Variants in SNX5 observed in about 807,000 individuals in gnomAD.
SNX5 encodes the protein sorting nexin 5.
In SNX5, 31 loss-of-function variants were observed where a neutral mutation model predicts 53.9. The observed-to-expected ratio is 0.58, with a 90% CI of 0.43 to 0.78. SNX5 has a LOEUF of 0.78. Among genes scored for constraint, SNX5 ranks in the 30% least tolerant of loss-of-function variants. The pLI is 0.00. For synonymous variants in SNX5, 168 were observed against 171.1 expected, an observed-to-expected ratio of 0.98 and a Z score of 0.14; for missense variants, 471 against 478.8, an observed-to-expected ratio of 0.98 and a Z score of 0.15.
intron 1 of SNX5, among the ~76,000 whole-genome samples, chr20:17,964,380 ATGT>A (rs1250766674): frequency 6.6e-6 from 1 of 152,204 alleles, no homozygotes; most frequent in Non-Finnish European, 1.5e-5. Context: ...TTATGCCAAA[ATGT>A]AAAAAGAAGA....
At chr20:17,964,575 A>G (rs183038809) in intron 1 of SNX5, among the ~76,000 whole-genome samples, 6 of 152,190 alleles carry the variant, frequency 3.9e-5, no homozygotes, top group Non-Finnish European at 7.4e-5. Context: ...AGGGTGAAGA[A>G]GCCACTTTTT....
At chr20:17,965,859 T>C (rs2035528579) in intron 1 of SNX5, among the ~76,000 whole-genome samples, 1 of 152,124 alleles carries the variant, frequency 6.6e-6, no homozygotes, top group African/African-American at 2.4e-5. Flanking sequence ...GTTGCAAGGG[T>C]AGCATAAAGC....
At chr20:17,947,230 CACA>C (rs1400765630) in intron 11 of SNX5, 2 of 418,182 alleles carry the variant, frequency 4.8e-6, no homozygotes, top group Non-Finnish European at 8.6e-6. Flanking sequence ...GGAAATAAAC[CACA>C]ACGTTTTTAG....
chr20:17,965,932 C>CCTAT (rs1196911251), intron 1 of SNX5, among the ~76,000 whole-genome samples: 30 of 152,086 alleles, frequency 2.0e-4, no homozygotes, highest in African/African-American at 7.0e-4. Context: ...CAGGATTGTT[C>CCTAT]CTATACTAAC....
intron 2 of SNX5, 149 bp downstream of exon 2, chr20:17,956,784 A>ACTGTGAG: frequency 1.8e-6 from 1 of 557,144 alleles, no homozygotes; most frequent in Non-Finnish European, 3.3e-6. Context: ...CCTGATGCTT[A>ACTGTGAG]CTGTGAGATA....
chr20:17,959,849 A>G (rs1444675100), intron 1 of SNX5, among the ~76,000 whole-genome samples: 1 of 152,122 alleles, frequency 6.6e-6, no homozygotes, highest in Non-Finnish European at 1.5e-5. Flanking sequence ...CCACAGTGCT[A>G]CAGAACTTGC....
intron 1 of SNX5, among the ~76,000 whole-genome samples, chr20:17,958,973 C>T (rs1251656438): frequency 6.6e-6 from 1 of 152,234 alleles, no homozygotes; most frequent in Non-Finnish European, 1.5e-5. Context: ...CTGGAGGAGA[C>T]ATAGGACAGC....
At chr20:17,942,705 G>T in intron 12 of SNX5, 1 of 444,798 alleles carries the variant, frequency 2.2e-6, no homozygotes, top group South Asian at 2.7e-5. Flanking sequence ...AACTTCTTAA[G>T]ACACTATCAG....
intron 11 of SNX5, chr20:17,945,239 G>A (rs1373636014): frequency 6.6e-6 from 1 of 152,230 alleles, no homozygotes; most frequent in Non-Finnish European, 1.5e-5. Flanking sequence ...CCTACACACA[G>A]TACCAGGGCT....
At chr20:17,956,673 C>CAAAAAAAAAAAAAAAA (rs59252584) in intron 2 of SNX5, among the ~76,000 whole-genome samples, 24 of 84,872 alleles carry the variant, frequency 2.8e-4, no homozygotes, top group South Asian at 4.0e-4. Flanking sequence ...AGACTGTCTC[C>CAAAAAAAAAAAAAAAA]AAAAAAAAAA....
intron 1 of SNX5, among the ~76,000 whole-genome samples, chr20:17,963,608 G>A (rs1265645326): frequency 6.6e-6 from 1 of 151,992 alleles, no homozygotes; most frequent in Non-Finnish European, 1.5e-5. Flanking sequence ...CTTTTTTGTA[G>A]CAGGGTCTCA....
chr20:17,961,386 TAC>T (rs1050681045), intron 1 of SNX5: 24 of 985,054 alleles, frequency 2.4e-5, no homozygotes, highest in Admixed American at 6.2e-5. Flanking sequence ...ACAGAAAAAA[TAC>T]AGTTTTTTCT....
intron 3 of SNX5, 122 bp downstream of exon 3, chr20:17,955,243 C>A: frequency 1.5e-6 from 1 of 666,702 alleles, no homozygotes; most frequent in East Asian, 2.8e-5. Flanking sequence ...AGCAAATACT[C>A]CAGTAGGTAG....
chr20:17,957,479 G>C lies in SNX5; in HGVS notation c.52-442C>G, dbSNP rs6075270. 5.6e-3 allele frequency among the ~76,000 whole-genome samples: 844 copies of C among 151,498 alleles called. 10 individuals carry two copies. Among genetic ancestry groups the C allele is most frequent in the Middle Eastern group, 0.014 (4 of 292 alleles). ...AAAATTAAAAAAAAGAAAAAGAAAT[G>C]TCAGTTGAGACATTTCTAAGTTTAT... is the stretch of plus-strand genomic sequence containing the variant. On this transcript the variant is annotated intron_variant, in intron 1 of 12. Coordinates refer to ENST00000377759, the MANE Select transcript of SNX5 (RefSeq NM_014426.4).
At chr20:17,962,287 C>T (rs992753731) in intron 1 of SNX5, 1 of 169,034 alleles carries the variant, frequency 5.9e-6, no homozygotes, top group African/African-American at 2.4e-5. Context: ...CGACCTCCAC[C>T]CCCGGGGTTC....
chr20:17,966,384 CAA>C (rs57885295), intron 1 of SNX5, among the ~76,000 whole-genome samples: 36,344 of 125,416 alleles, frequency 0.29, 4,943 homozygotes, highest in East Asian at 0.48. Flanking sequence ...GACTCCGTCT[CAA>C]AAAAAAAAAA....
intron 8 of SNX5, among the ~76,000 whole-genome samples, chr20:17,949,718 C>G (rs73264174): frequency 0.011 from 1,627 of 152,142 alleles, 50 homozygotes; most frequent in African/African-American, 0.038. Flanking sequence ...TCTTCAAGGT[C>G]CAGGGCAGGG....
intron 12 of SNX5, 184 bp from the exon 13 acceptor site, chr20:17,942,591 A>T: frequency 1.6e-6 from 1 of 613,182 alleles, no homozygotes; most frequent in Non-Finnish European, 2.9e-6. Context: ...TTCATGTTTC[A>T]GCTCCTCTCC....
At chr20:17,968,154 C>A (rs942572411) in intron 1 of SNX5, 4 of 403,802 alleles carry the variant, frequency 9.9e-6, no homozygotes, top group Non-Finnish European at 1.3e-5. Context: ...GGTCCCGCGT[C>A]TCTGGTTCTG....
Sources: allele counts gnomAD v4.1 joint callset (sites outside exome capture counted in the v4.1 genomes callset), GRCh38; gene constraint gnomAD v4.1.1; transcripts MANE v1.5; gene names NCBI Gene and HGNC (gene_info 2026-07-23, HGNC 2026-07-21).